Variants in XKR6 observed in about 807,000 individuals in gnomAD.
The protein encoded by XKR6 is XK-related protein 6.
XKR6 carries 22 observed loss-of-function variants against 56.7 expected under a neutral mutation model. The observed-to-expected ratio is 0.39, with a 90% CI of 0.28 to 0.55. XKR6 has a LOEUF of 0.55. XKR6 is among the 20% of genes least tolerant of loss of function. XKR6 has a pLI of 0.66. For missense variants in XKR6, 852 were observed against 889.0 expected (o/e 0.96, Z 0.53); for synonymous variants, 524 against 387.8 (o/e 1.35, Z -4.13).
At chr8:11,125,844 T>A (rs778713450) in intron 1 of XKR6, 2 of 152,248 alleles carry the variant, frequency 1.3e-5, no homozygotes, top group Non-Finnish European at 2.9e-5. Context: ...CTCAGAATGT[T>A]TAGTCCCAAG....
intron 1 of XKR6, chr8:11,128,890 T>A: frequency 2.2e-6 from 1 of 456,868 alleles, no homozygotes; most frequent in South Asian, 1.5e-5. Context: ...CTTGCCTTGG[T>A]CACTGCTAAC....
chr8:11,045,705 G>C (rs1405588930), intron 1 of XKR6, among the ~76,000 whole-genome samples: 2 of 152,046 alleles, frequency 1.3e-5, no homozygotes, highest in African/African-American at 4.8e-5. Flanking sequence ...AACCACATCA[G>C]GTCTTTCTCC....
At chr8:11,112,389 C>A (rs560958582) in intron 1 of XKR6, among the ~76,000 whole-genome samples, 5 of 151,788 alleles carry the variant, frequency 3.3e-5, no homozygotes, top group African/African-American at 1.2e-4. Context: ...TTGTTCTAAC[C>A]ACAAAGAGGT....
chr8:10,949,175 T>C (rs1474300931), intron 1 of XKR6, among the ~76,000 whole-genome samples: 1 of 152,216 alleles, frequency 6.6e-6, no homozygotes, highest in East Asian at 1.9e-4. Context: ...CTCTAGGGCC[T>C]GGAGCAAATC....
At chr8:11,087,277 T>C (rs1242893554) in intron 1 of XKR6, among the ~76,000 whole-genome samples, 2 of 152,160 alleles carry the variant, frequency 1.3e-5, no homozygotes, top group Admixed American at 6.5e-5. Flanking sequence ...GCCTCCACTA[T>C]TGGTGAACCG....
intron 1 of XKR6, among the ~76,000 whole-genome samples, chr8:11,111,146 G>C (rs551640652): frequency 1.3e-5 from 2 of 151,338 alleles, no homozygotes; most frequent in African/African-American, 4.9e-5. Flanking sequence ...GAGCCACTGC[G>C]CCTGCCCAAC....
intron 1 of XKR6, among the ~76,000 whole-genome samples, chr8:11,157,521 T>C (rs977978316): frequency 2.0e-5 from 3 of 151,796 alleles, no homozygotes; most frequent in Non-Finnish European, 4.4e-5. Flanking sequence ...TATGTATGTA[T>C]GTATGATTTT....
At chr8:11,098,898 T>C (rs1798361083) in intron 1 of XKR6, among the ~76,000 whole-genome samples, 1 of 152,098 alleles carries the variant, frequency 6.6e-6, no homozygotes, top group Non-Finnish European at 1.5e-5. Flanking sequence ...TTCTGGAACA[T>C]TCCCCCATGG....
At chr8:11,118,240 A>C (rs930242416) in intron 1 of XKR6, among the ~76,000 whole-genome samples, 2 of 8,778 alleles carry the variant, frequency 2.3e-4, no homozygotes, top group African/African-American at 4.8e-4. Context: ...GTCAAGGGGA[A>C]GCTGGTTTAA....
At chr8:10,981,128 G>C (rs1797724980) in intron 1 of XKR6, among the ~76,000 whole-genome samples, 1 of 152,128 alleles carries the variant, frequency 6.6e-6, no homozygotes, top group Admixed American at 6.5e-5. Context: ...CTGTCAACCA[G>C]GCCCAGACAA....
At chr8:11,101,822 T>C (rs1798496320) in intron 1 of XKR6, among the ~76,000 whole-genome samples, 1 of 152,086 alleles carries the variant, frequency 6.6e-6, no homozygotes, top group Non-Finnish European at 1.5e-5. Context: ...GCCTGGAGTG[T>C]CCTCCTAAGC....
chr8:11,057,264 T>C (rs758737446), intron 1 of XKR6, among the ~76,000 whole-genome samples: 1 of 152,216 alleles, frequency 6.6e-6, no homozygotes, highest in African/African-American at 2.4e-5. Flanking sequence ...CACTTGTCAC[T>C]GTCTAACTCA....
At chr8:11,074,144 C>A (rs1225531428) in intron 1 of XKR6, among the ~76,000 whole-genome samples, 2 of 152,236 alleles carry the variant, frequency 1.3e-5, no homozygotes, top group Non-Finnish European at 2.9e-5. Context: ...CTTAGAGCAA[C>A]AGGGAATCTG....
chr8:11,085,506 G>C (rs966227630), intron 1 of XKR6, among the ~76,000 whole-genome samples: 6 of 152,086 alleles, frequency 3.9e-5, no homozygotes, highest in Non-Finnish European at 7.4e-5. Flanking sequence ...GTGCATGCGT[G>C]GGCTGCATTA....
At chr8:11,096,360 G>C (rs1040965790) in intron 1 of XKR6, among the ~76,000 whole-genome samples, 7 of 152,206 alleles carry the variant, frequency 4.6e-5, no homozygotes, top group African/African-American at 1.7e-4. Context: ...CTCAAAATTT[G>C]GTGGAACATT....
intron 1 of XKR6, among the ~76,000 whole-genome samples, chr8:10,942,530 C>T (rs1801415161): frequency 6.6e-6 from 1 of 152,212 alleles, no homozygotes; most frequent in African/African-American, 2.4e-5. Context: ...CACAGGGAGG[C>T]AGAGAGACCG....
chr8:11,027,360 C>T lies in XKR6; in HGVS notation c.765-102530G>A, dbSNP rs78795481. Among the ~76,000 whole-genome samples, 773 of 152,204 alleles carry T rather than the reference C, an allele frequency of 5.1e-3. 3 individuals are homozygous for T. The highest frequency in any genetic ancestry group is 0.018 in the African/African-American group (741 of 41,506). Reference sequence around the variant, plus strand: ...GTTATAGAATTAAAATTAATTTCATCTTACTTCTTTTTACTTTTTTTGTTT... The same window carrying T: ...GTTATAGAATTAAAATTAATTTCATTTTACTTCTTTTTACTTTTTTTGTTT... On this transcript the variant is annotated intron_variant, in intron 1 of 2. Transcript: ENST00000416569.
intron 2 of XKR6, among the ~76,000 whole-genome samples, chr8:10,911,367 A>G (rs1800359500): frequency 1.3e-5 from 2 of 148,220 alleles, no homozygotes; most frequent in African/African-American, 2.5e-5. Context: ...ATATATATAT[A>G]TATAGACAGA....
At chr8:11,062,888 C>T (rs752335491) in intron 1 of XKR6, 10 of 455,184 alleles carry the variant, frequency 2.2e-5, no homozygotes, top group South Asian at 1.6e-4. Context: ...CCCTTCCAGA[C>T]GTCGTACTGA....
Sources: gnomAD v4.1 joint callset for allele counts (sites outside exome capture counted in the v4.1 genomes callset) on GRCh38, gnomAD v4.1.1 for gene constraint, MANE v1.5 for transcripts, NCBI Gene and HGNC (gene_info 2026-07-23, HGNC 2026-07-21) for gene names.